The following TMEM178B variants were observed in gnomAD, a reference collection of about 807,000 sequenced individuals.
TMEM178B encodes transmembrane protein 178B.
A neutral mutation model predicts 31.0 loss-of-function variants in TMEM178B; 5 were observed. The observed-to-expected ratio is 0.16, with a 90% CI of 0.08 to 0.34. The LOEUF (loss-of-function observed/expected upper bound fraction) is 0.34. Ranked by LOEUF, TMEM178B falls within the 10% of genes least tolerant of loss-of-function variation. The pLI is 1.00. For synonymous variants in TMEM178B, 164 were observed against 164.0 expected (o/e 1.00, Z 0.00); for missense variants, 275 against 400.3 (o/e 0.69, Z 2.67).
chr7:141,249,644 G>C (rs1395275477), intron 2 of TMEM178B, among the ~76,000 whole-genome samples: 3 of 88,470 alleles, frequency 3.4e-5, no homozygotes, highest in Non-Finnish European at 4.8e-5. Flanking sequence ...ATGGGACCCA[G>C]TGAGAAAAGG....
intron 2 of TMEM178B, among the ~76,000 whole-genome samples, chr7:141,298,073 A>T (rs1798665033): frequency 6.6e-6 from 1 of 152,020 alleles, no homozygotes. Context: ...ATGGTATCTC[A>T]TTGTGGTTTT....
chr7:141,167,664 C>T (rs898516067), intron 1 of TMEM178B, among the ~76,000 whole-genome samples: 4 of 152,330 alleles, frequency 2.6e-5, no homozygotes, highest in African/African-American at 9.6e-5. Flanking sequence ...GTCAAATGCT[C>T]AGGCCTGTGC....
chr7:141,228,388 TC>T (rs1797380451), intron 2 of TMEM178B, among the ~76,000 whole-genome samples: 2 of 152,022 alleles, frequency 1.3e-5, no homozygotes, highest in Non-Finnish European at 2.9e-5. Flanking sequence ...CTTTCTTCTT[TC>T]TTTTTTTTTT....
At chr7:141,118,179 C>A (rs1250873147) in intron 1 of TMEM178B, among the ~76,000 whole-genome samples, 1 of 152,136 alleles carries the variant, frequency 6.6e-6, no homozygotes, top group South Asian at 2.1e-4. Context: ...CCACAGTGGC[C>A]CCAGCTCTTT....
At chr7:141,317,903 C>T (rs886482866) in intron 2 of TMEM178B, among the ~76,000 whole-genome samples, 3 of 152,248 alleles carry the variant, frequency 2.0e-5, no homozygotes, top group Middle Eastern at 3.4e-3. Context: ...GTATCAAAAG[C>T]TGCAGAATGT....
intron 1 of TMEM178B, among the ~76,000 whole-genome samples, chr7:141,211,134 G>A (rs1797046484): frequency 6.6e-6 from 1 of 152,170 alleles, no homozygotes; most frequent in Non-Finnish European, 1.5e-5. Context: ...AGGATGACAG[G>A]ATGAAGGTAT....
chr7:141,469,456 C>A (rs1802200342), intron 3 of TMEM178B, among the ~76,000 whole-genome samples: 1 of 152,142 alleles, frequency 6.6e-6, no homozygotes, highest in African/African-American at 2.4e-5. Flanking sequence ...AAGTCTCAAT[C>A]TTAAAGAAAC....
At chr7:141,509,486 C>A in the TMEM178B span, among the ~76,000 whole-genome samples, 4 of 152,210 alleles carry the variant, frequency 2.6e-5, no homozygotes, top group Admixed American at 2.6e-4. Context: ...CCCGTCTCTA[C>A]TAAAAGGAGA....
chr7:141,224,784 T>C lies in TMEM178B; in HGVS notation c.496+12080T>C, dbSNP rs554740174. 5.5e-4 allele frequency among the ~76,000 whole-genome samples: 84 copies of C among 152,312 alleles called. 1 individual carries two copies. Among genetic ancestry groups the C allele is most frequent in the Non-Finnish European group, 9.8e-4 (67 of 68,032 alleles). On this transcript the variant is annotated intron_variant, in intron 2 of 3. Coordinates refer to ENST00000565468, the MANE Select transcript of TMEM178B (RefSeq NM_001195278.2). ...GGCAGAAGGAGAAGTCAGGCTGGGATGTGGGTGCGATGACACCCCTTGGAG... is the reference window on the plus strand; with the variant it reads ...GGCAGAAGGAGAAGTCAGGCTGGGACGTGGGTGCGATGACACCCCTTGGAG...
chr7:141,497,303 G>A, the TMEM178B span, among the ~76,000 whole-genome samples: 2 of 152,166 alleles, frequency 1.3e-5, no homozygotes, highest in Non-Finnish European at 2.9e-5. Context: ...GAAATTTCTG[G>A]CTGAGACAAC....
rs543633212 is a variant in TMEM178B, at chr7:141,189,396, C to T, written c.383-23195C>T. On this transcript the variant is annotated intron_variant, in intron 1 of 3. Coordinates refer to ENST00000565468, the MANE Select transcript of TMEM178B (RefSeq NM_001195278.2). ...TGGCCTGTGGGCCGATGCTGGTGGG[C>T]GGGCAGATAGCAGATGGGCAGAGCA... 9.9e-5 allele frequency among the ~76,000 whole-genome samples: 15 copies of T among 152,232 alleles called. No homozygotes were observed. In the East Asian group the frequency reaches 2.5e-3, roughly 26 times the overall value.
chr7:141,385,189 G>C (rs1541419), intron 2 of TMEM178B, among the ~76,000 whole-genome samples: 55,627 of 152,086 alleles, frequency 0.37, 10,428 homozygotes, highest in African/African-American at 0.43. Flanking sequence ...AGATAAATCT[G>C]ATGACACTGT....
chr7:141,350,255 C>A (rs953278410), intron 2 of TMEM178B, among the ~76,000 whole-genome samples: 1 of 152,098 alleles, frequency 6.6e-6, no homozygotes, highest in African/African-American at 2.4e-5. Context: ...ACCAATGAGG[C>A]CTTCTTTGAC....
At chr7:141,392,757 G>C (rs964707455) in intron 2 of TMEM178B, among the ~76,000 whole-genome samples, 3 of 151,786 alleles carry the variant, frequency 2.0e-5, no homozygotes, top group African/African-American at 7.3e-5. Flanking sequence ...GAGCAGGAGA[G>C]AAAAGATCAA....
intron 2 of TMEM178B, among the ~76,000 whole-genome samples, chr7:141,247,597 A>G (rs1797758552): frequency 6.6e-6 from 1 of 152,124 alleles, no homozygotes; most frequent in Non-Finnish European, 1.5e-5. Flanking sequence ...GGGAAAGGGA[A>G]AGAGGATGGA....
Position 141,260,541 on chromosome 7 carries a change from T to G in TMEM178B, c.496+47837T>G, listed in dbSNP as rs533777597. ...TTTGGTCATCTCTGACTCTGCCACT[T>G]TTGTGTAAAATCATCTCCCTACCTC... On this transcript the variant is annotated intron_variant, in intron 2 of 3. Coordinates refer to ENST00000565468, the MANE Select transcript of TMEM178B (RefSeq NM_001195278.2). 6.6e-5 allele frequency among the ~76,000 whole-genome samples: 10 copies of G among 152,308 alleles called. No homozygotes were observed. In the South Asian group the frequency reaches 2.1e-3, roughly 32 times the overall value.
chr7:141,247,468 A>C (rs1449096854), intron 2 of TMEM178B, among the ~76,000 whole-genome samples: 1 of 152,202 alleles, frequency 6.6e-6, no homozygotes, highest in Non-Finnish European at 1.5e-5. Context: ...AAATGGGCTT[A>C]AGATCACAGG....
chr7:141,367,600 G>C (rs1254789677), intron 2 of TMEM178B, among the ~76,000 whole-genome samples: 1 of 152,272 alleles, frequency 6.6e-6, no homozygotes, highest in African/African-American at 2.4e-5. Context: ...TAGGACCCAG[G>C]CATGATGCTG....
At chr7:141,468,246 T>C (rs577784564) in intron 3 of TMEM178B, among the ~76,000 whole-genome samples, 2 of 152,332 alleles carry the variant, frequency 1.3e-5, no homozygotes, top group Non-Finnish European at 2.9e-5. Context: ...TTCTTCAGGA[T>C]GCAAATTCTC....
Sources: allele counts gnomAD v4.1 joint callset (sites outside exome capture counted in the v4.1 genomes callset), GRCh38; gene constraint gnomAD v4.1.1; transcripts MANE v1.5; gene names NCBI Gene and HGNC (gene_info 2026-07-23, HGNC 2026-07-21).